Variants in MAT2A observed in about 807,000 individuals in gnomAD.
MAT2A encodes methionine adenosyltransferase 2A.
A neutral mutation model predicts 43.9 loss-of-function variants in MAT2A; 3 were observed. That is an observed-to-expected ratio of 0.07 (90% CI 0.03 to 0.18). MAT2A has a LOEUF of 0.18. MAT2A is among the 10% of genes least tolerant of loss of function. The pLI is 1.00. For missense variants in MAT2A, 204 were observed against 489.0 expected, an observed-to-expected ratio of 0.42 and a Z score of 5.50; for synonymous variants, 200 against 168.4, an observed-to-expected ratio of 1.19 and a Z score of -1.45.
At chr2:85,542,857 G>T in intron 7 of MAT2A, 44 bp from the exon 8 acceptor site, 1 of 1,597,272 alleles carries the variant, frequency 6.3e-7, no homozygotes, top group Middle Eastern at 1.8e-4. Flanking sequence ...CAAGTATATG[G>T]GTCTTTGCAA....
chr2:85,542,941 C>T lies in MAT2A; in HGVS notation c.992C>T (p.Ser331Phe). The T allele has an allele frequency of 6.2e-7, 1 of 1,613,686 alleles. No homozygotes were observed. Among genetic ancestry groups the T allele is most frequent in the Non-Finnish European group, 8.5e-7 (1 of 1,179,910 alleles). Residue 331 changes from serine (S) to phenylalanine (F), a missense_variant, in exon 8 of 9, where the codon TCC becomes TTC. Physicochemically the swap from Ser to Phe is radical, Grantham distance 155. Coordinates refer to ENST00000306434, the MANE Select transcript of MAT2A (RefSeq NM_005911.6). ...AIGVSHPLSI[S>F]IFHYGTSQKS... ...GGAGTTTCTCATCCATTATCTATCT[C>T]CATTTTCCATTATGGTACCTCTCAG... is the stretch of plus-strand genomic sequence containing the variant.
rs41290031 is a variant in MAT2A, at chr2:85,542,268, C to A, written c.663C>A (p.Ala221=). The change falls in exon 6 of 9, where the codon GCC becomes GCA. Residue 221 remains alanine (A), a synonymous_variant. Coordinates refer to ENST00000306434, the MANE Select transcript of MAT2A (RefSeq NM_005911.6). ...TTTGTCTTGATGAAATGAGGGATGC[C>A]CTAAAGGAGAAAGTCATCAAAGCAG... ...EEVCLDEMRD[A]LKEKVIKAVV... The A allele has an allele frequency of 2.0e-5, 32 of 1,613,624 alleles. No homozygotes were observed. The highest frequency in any genetic ancestry group is 2.6e-5 in the Non-Finnish European group (31 of 1,179,884).
chr2:85,543,311 TAG>T (rs1691526211), intron 8 of MAT2A: 3 of 429,420 alleles, frequency 7.0e-6, no homozygotes, highest in African/African-American at 2.0e-5. Flanking sequence ...GTTAAGAAAA[TAG>T]AGATAAAGTG....
Position 85,539,221 on chromosome 2 carries a change from C to G in MAT2A, c.-67C>G. ...AGTAGAACGCTGTCCGCAGCTTGCG[C>G]ATTTCGCAGCCGCTGCCGCCTCGCC... is the stretch of plus-strand genomic sequence containing the variant. On this transcript the variant is annotated 5_prime_UTR_variant, in exon 1 of 9. Transcript: ENST00000306434. 5 of 1,164,480 alleles carry G rather than the reference C, an allele frequency of 4.3e-6. No homozygotes were observed. Among genetic ancestry groups the G allele is most frequent in the Non-Finnish European group, 6.3e-6 (5 of 799,666 alleles). The allele number at this position is 1,164,480 out of a possible 1,614,324, so 72.1% of individuals were successfully genotyped here.
chr2:85,542,218 A>C lies in MAT2A; in HGVS notation c.613A>C (p.Ile205Leu). The C allele has an allele frequency of 1.2e-6, 2 of 1,614,178 alleles. No homozygotes were observed. Among genetic ancestry groups the C allele is most frequent in the South Asian group, 1.1e-5 (1 of 91,082 alleles). ...VLPIRVHTIVISVQHDEEVCL... is the reference protein window; with the variant it reads ...VLPIRVHTIVLSVQHDEEVCL... Reference sequence around the variant, plus strand: ...TCCCATCAGAGTCCACACAATTGTTATATCTGTTCAGCATGATGAAGAGGT... The same window carrying C: ...TCCCATCAGAGTCCACACAATTGTTCTATCTGTTCAGCATGATGAAGAGGT... Residue 205 changes from isoleucine to leucine, a missense_variant, in exon 6 of 9, where the codon ATA becomes CTA. By Grantham distance (5) the Ile-to-Leu change is conservative. Transcript: ENST00000306434.
chr2:85,542,778 A>G (rs1691508578), intron 7 of MAT2A, 31 bp downstream of exon 7: 1 of 1,568,818 alleles, frequency 6.4e-7, no homozygotes, highest in Non-Finnish European at 8.7e-7. Flanking sequence ...GAACGATTAA[A>G]AGTCATGTAA....
intron 5 of MAT2A, 35 bp downstream of exon 5, chr2:85,542,007 T>G: frequency 1.2e-6 from 2 of 1,605,774 alleles, no homozygotes; most frequent in South Asian, 2.2e-5. Flanking sequence ...TTGTCTCATT[T>G]ATTACATCAG....
chr2:85,542,348 G>A lies in MAT2A; in HGVS notation c.743G>A (p.Gly248Asp). The change falls in exon 6 of 9, where the codon GGC becomes GAC. Residue 248 changes from glycine to aspartate, a missense_variant. Physicochemically the swap from Gly to Asp is moderately conservative, Grantham distance 94. This residue lies in a region of MAT2A where 103 missense variants were observed against 226.4 expected (regional missense o/e 0.45). Transcript: ENST00000306434. ...ACAATCTACCACCTACAGCCAAGTG[G>A]CAGATTTGTTATTGGTGGGCCTCAG... The part of the protein sequence containing the change: ...EDTIYHLQPS[G>D]RFVIGGPQGD... The A allele has an allele frequency of 6.2e-7, 1 of 1,614,132 alleles. No homozygotes were observed. The highest frequency in any genetic ancestry group is 8.5e-7 in the Non-Finnish European group (1 of 1,180,010).
rs189924264 is a variant in MAT2A, at chr2:85,541,280, C to A, written c.195C>A (p.Ile65=). The stretch of plus-strand genomic sequence containing the variant: ...AAACTGTTGCTAAAACTGGAATGAT[C>A]CTTCTTGCTGGGGAAATTACATCCA... The part of the protein sequence containing the change: ...ACETVAKTGM[I]LLAGEITSRA... Residue 65 remains isoleucine, a synonymous_variant, in exon 3 of 9, where the codon ATC becomes ATA. Transcript: ENST00000306434. 2.5e-6 allele frequency: 4 copies of A among 1,614,102 alleles called. No homozygotes were observed. The Admixed American group carries it at 5.0e-5, about 20-fold the overall frequency.
Position 85,544,104 on chromosome 2 carries a change from A to G in MAT2A, c.*332A>G, listed in dbSNP as rs1691548136. On this transcript the variant is annotated 3_prime_UTR_variant, in exon 9 of 9. Coordinates refer to ENST00000306434, the MANE Select transcript of MAT2A (RefSeq NM_005911.6). ...CCCAACGCTCCAAAGTCATAATTGC[A>G]TTGACTTTCCCCACCAGATGCTGAA... 1.1e-5 allele frequency: 2 copies of G among 182,106 alleles called. No homozygotes were observed. The highest frequency in any genetic ancestry group is 2.7e-4 in the South Asian group (2 of 7,438). 11.3% of individuals were successfully genotyped at this position (182,106 alleles called of 1,614,324 possible). A position where few individuals can be genotyped will look rare whatever the true frequency, so the allele number is the denominator to read the frequency against.
Position 85,541,814 on chromosome 2 carries a change from CTT to C in MAT2A, c.406-12_406-11del, listed in dbSNP as rs760744592. ...TTCTGGAGCTTGATCACATTGGTGA[CTT>C]TTCTTTCTTTAGGGCTTAATGTTTG... On this transcript the variant is annotated splice_polypyrimidine_tract_variant and intron_variant, in intron 4 of 8. Transcript: ENST00000306434. 4 of 1,613,834 alleles carry C rather than the reference CTT, an allele frequency of 2.5e-6. No homozygotes were observed. Among genetic ancestry groups the C allele is most frequent in the South Asian group, 1.1e-5 (1 of 91,044 alleles).
intron 3 of MAT2A, 72 bp downstream of exon 3, chr2:85,541,449 TC>T: frequency 6.5e-7 from 1 of 1,543,192 alleles, no homozygotes; most frequent in South Asian, 1.2e-5. Context: ...CCTAGAATGT[TC>T]CTGCTAATCC....
chr2:85,542,275 G>A lies in MAT2A; in HGVS notation c.670G>A (p.Glu224Lys). 6.2e-7 allele frequency: 1 copy of A among 1,614,118 alleles called. No homozygotes were observed. Among genetic ancestry groups the A allele is most frequent in the Non-Finnish European group, 8.5e-7 (1 of 1,179,996 alleles). ...TGATGAAATGAGGGATGCCCTAAAG[G>A]AGAAAGTCATCAAAGCAGTTGTGCC... Reference protein sequence around the residue: ...CLDEMRDALKEKVIKAVVPAK... With the variant: ...CLDEMRDALKKKVIKAVVPAK... Residue 224 changes from glutamate (E) to lysine (K), a missense_variant, in exon 6 of 9, where the codon GAG becomes AAG. Physicochemically the swap from Glu to Lys is moderately conservative, Grantham distance 56. Coordinates refer to ENST00000306434, the MANE Select transcript of MAT2A (RefSeq NM_005911.6).
At chr2:85,542,829 T>C (rs1691512798) in intron 7 of MAT2A, 72 bp from the exon 8 acceptor site, 2 of 1,569,346 alleles carry the variant, frequency 1.3e-6, no homozygotes, top group Non-Finnish European at 1.7e-6. Context: ...ACTACTTGTT[T>C]TATACCAACG....
intron 3 of MAT2A, 80 bp from the exon 4 acceptor site, chr2:85,541,553 G>T (rs950387832): frequency 1.5e-6 from 2 of 1,325,330 alleles, no homozygotes; most frequent in African/African-American, 1.5e-5. Flanking sequence ...TTCTTCAGCA[G>T]TGTTTAGAAT....
intron 8 of MAT2A, 194 bp downstream of exon 8, chr2:85,543,228 A>G (rs1691523843): frequency 3.3e-6 from 2 of 603,740 alleles, no homozygotes; most frequent in East Asian, 2.8e-5. Context: ...ACGGTGCTCC[A>G]TGGCTTAGGC....
At chr2:85,539,545 G>A (rs1441876261) in intron 1 of MAT2A, 167 bp downstream of exon 1, 3 of 496,750 alleles carry the variant, frequency 6.0e-6, no homozygotes, top group Non-Finnish European at 1.1e-5. Context: ...AGGGCCTGGC[G>A]CGTGGCCGCC....
At chr2:85,541,025 A>C in intron 1 of MAT2A, 58 bp from the exon 2 acceptor site, 1 of 1,176,404 alleles carries the variant, frequency 8.5e-7, no homozygotes, top group Non-Finnish European at 1.3e-6. Context: ...GCTTGCATAC[A>C]TACATACATA....
At chr2:85,543,373 G>GC (rs1369246763) in intron 8 of MAT2A, 12 of 418,368 alleles carry the variant, frequency 2.9e-5, no homozygotes. Context: ...GGTGTGGGCG[G>GC]CGGGACCTTG....
Sources: allele counts gnomAD v4.1 joint callset, GRCh38; gene constraint gnomAD v4.1.1; regional missense constraint gnomAD v4.1.1; transcripts MANE v1.5; gene names NCBI Gene and HGNC (gene_info 2026-07-23, HGNC 2026-07-21).